CDH23: variants seen among roughly 807,000 people sequenced by gnomAD.
CDH23 encodes the protein cadherin related 23.
A neutral mutation model predicts 317.1 loss-of-function variants in CDH23; 189 were observed. The ratio of observed to expected loss-of-function variants is 0.60; its 90% CI spans 0.53 to 0.67. CDH23 has a LOEUF of 0.67. Ranked by LOEUF, CDH23 falls within the 30% of genes least tolerant of loss-of-function variation. The probability of loss-of-function intolerance (pLI) is 0.00; values close to 1 mark genes in which losing one functional copy is unlikely to be tolerated. For synonymous variants in CDH23, 1,839 were observed against 1,876.8 expected (o/e 0.98, Z 0.52); for missense variants, 4,401 against 4,592.4 (o/e 0.96, Z 1.20).
At chr10:71,565,164 T>A (rs1287112261) in intron 6 of CDH23, among the ~76,000 whole-genome samples, 1 of 151,708 alleles carries the variant, frequency 6.6e-6, no homozygotes, top group African/African-American at 2.4e-5. Context: ...GACAGAGAAC[T>A]GTGGGTTAGC....
chr10:71,455,999 C>T (rs926584196), intron 3 of CDH23, among the ~76,000 whole-genome samples: 1 of 152,110 alleles, frequency 6.6e-6, no homozygotes, highest in Non-Finnish European at 1.5e-5. Context: ...CAGGCAGTCA[C>T]TGGTGCCTCC....
chr10:71,812,642 C>G, intron 67 of CDH23, 33 bp downstream of exon 67: 1 of 1,613,674 alleles, frequency 6.2e-7, no homozygotes, highest in South Asian at 1.1e-5. Context: ...TCACAAGGGG[C>G]AGGGGTGGAG....
chr10:71,683,275 A>G (rs1864730212), intron 18 of CDH23, among the ~76,000 whole-genome samples: 1 of 152,200 alleles, frequency 6.6e-6, no homozygotes, highest in Non-Finnish European at 1.5e-5. Flanking sequence ...GGAGACAGCG[A>G]ACGCGTGTTG....
intron 24 of CDH23, among the ~76,000 whole-genome samples, 196 bp downstream of exon 24, chr10:71,702,890 G>A (rs1564743212): frequency 6.6e-6 from 1 of 152,146 alleles, no homozygotes; most frequent in Non-Finnish European, 1.5e-5. Context: ...GTAGAGAGAG[G>A]GAGAGAGGCA....
At chr10:71,516,812 C>T (rs1404734271) in intron 6 of CDH23, among the ~76,000 whole-genome samples, 1 of 152,232 alleles carries the variant, frequency 6.6e-6, no homozygotes, top group Non-Finnish European at 1.5e-5. Flanking sequence ...AGCTTCACTT[C>T]TACCTGCAAA....
chr10:71,760,100 CACAT>C (rs1371236078), intron 38 of CDH23, among the ~76,000 whole-genome samples: 1 of 127,606 alleles, frequency 7.8e-6, no homozygotes, highest in Non-Finnish European at 1.7e-5. Flanking sequence ...TATACACACA[CACAT>C]ACATACATAT....
intron 6 of CDH23, among the ~76,000 whole-genome samples, chr10:71,541,095 A>C (rs535275876): frequency 3.1e-4 from 47 of 151,948 alleles, no homozygotes; most frequent in African/African-American, 1.1e-3. Context: ...CACAATTCTC[A>C]TGCAGCTGAT....
chr10:71,759,856 C>CACACACATATATAT, intron 38 of CDH23, among the ~76,000 whole-genome samples: 1 of 111,772 alleles, frequency 8.9e-6, no homozygotes, highest in South Asian at 3.0e-4. Context: ...CATATACACA[C>CACACACATATATAT]ACACACACAT....
intron 3 of CDH23, among the ~76,000 whole-genome samples, chr10:71,481,966 A>G (rs570938519): frequency 6.6e-6 from 1 of 152,238 alleles, no homozygotes; most frequent in South Asian, 2.1e-4. Context: ...CCTGGGCTGC[A>G]AAGGGTGGGG....
At chr10:71,661,471 G>T (rs1665694) in intron 14 of CDH23, among the ~76,000 whole-genome samples, 56,874 of 152,018 alleles carry the variant, frequency 0.37, 11,317 homozygotes, top group South Asian at 0.56. Context: ...AAAATGGGGA[G>T]GATGTTACTG....
At chr10:71,631,816 C>T (rs953386989) in intron 11 of CDH23, among the ~76,000 whole-genome samples, 2 of 152,142 alleles carry the variant, frequency 1.3e-5, no homozygotes, top group Non-Finnish European at 2.9e-5. Flanking sequence ...ACAGACTGTG[C>T]TTAAATAAAT....
Position 71,807,518 on chromosome 10 carries a change from G to C in CDH23, c.8311G>C (p.Gly2771Arg), listed in dbSNP as rs201076440. Reference protein sequence around the residue: ...NAIVYYFIAAGNEEKNFHLQP... With the variant: ...NAIVYYFIAARNEEKNFHLQP... ...CTGTGCCATGATCCCACCCTCAGCC[G>C]GCAACGAAGAGAAGAACTTCCATCT... Residue 2771 changes from glycine (G) to arginine (R), a missense_variant and splice_region_variant, in exon 59 of 70, where the codon GGC becomes CGC. Around this residue, in one of 3 missense-constraint regions of CDH23, gnomAD observed 1,144 missense variants for 1,138.2 expected, o/e 1.01. Coordinates refer to ENST00000224721, the MANE Select transcript of CDH23 (RefSeq NM_022124.6). The C allele has an allele frequency of 1.2e-6, 2 of 1,613,678 alleles. No individual in the cohort carries two copies. The highest frequency in any genetic ancestry group is 1.3e-5 in the African/African-American group (1 of 75,032).
chr10:71,812,446 C>CACCA, intron 66 of CDH23, 34 bp from the exon 67 acceptor site: 1 of 1,548,604 alleles, frequency 6.5e-7, no homozygotes, highest in Non-Finnish European at 8.9e-7. Flanking sequence ...CGAGCCTTCC[C>CACCA]TCCCTCCCCA....
intron 1 of CDH23, among the ~76,000 whole-genome samples, chr10:71,425,279 A>AGAGAGAG (rs1849015908): frequency 7.5e-6 from 1 of 134,044 alleles, no homozygotes; most frequent in African/African-American, 3.0e-5. Flanking sequence ...GGAAGGAAGG[A>AGAGAGAG]AGAAAGGAAG....
intron 14 of CDH23, among the ~76,000 whole-genome samples, chr10:71,652,782 C>T (rs1863239263): frequency 6.6e-6 from 1 of 152,174 alleles, no homozygotes; most frequent in Admixed American, 6.5e-5. Flanking sequence ...GCAAGGACAC[C>T]ACCCTCAGAG....
In CDH23 at chr10:71,590,891, A is replaced by AAC. The variant is rs1328961604; in HGVS notation, c.832+12900_832+12901insCA. Among the ~76,000 whole-genome samples the AAC allele has an allele frequency of 5.2e-4, 75 of 143,334 alleles. 1 individual carries two copies. Among genetic ancestry groups the AAC allele is most frequent in the African/African-American group, 1.5e-3 (61 of 39,746 alleles). 94.0% of individuals were successfully genotyped at this position (143,334 alleles called of 152,430 possible). On this transcript the variant is annotated intron_variant, in intron 9 of 69. Coordinates refer to ENST00000224721, the MANE Select transcript of CDH23 (RefSeq NM_022124.6). ...CTGTCTCTAAAAAAAAAAAAACAAA[A>AAC]AAAAACAAAAAAAAACACCAGTCTC...
intron 6 of CDH23, among the ~76,000 whole-genome samples, chr10:71,557,576 T>G (rs1856932540): frequency 6.6e-6 from 1 of 152,216 alleles, no homozygotes; most frequent in African/African-American, 2.4e-5. Context: ...TCAGTAATTT[T>G]CAGAAAAAAG....
chr10:71,569,097 C>T (rs763550063), intron 7 of CDH23, among the ~76,000 whole-genome samples: 4 of 152,232 alleles, frequency 2.6e-5, no homozygotes, highest in Non-Finnish European at 4.4e-5. Context: ...GCTGGGAGCT[C>T]TCCCCATGGG....
chr10:71,440,267 G>T (rs1287657505), intron 2 of CDH23, among the ~76,000 whole-genome samples: 1 of 152,174 alleles, frequency 6.6e-6, no homozygotes, highest in Non-Finnish European at 1.5e-5. Context: ...TGTTTGCACT[G>T]TGTGTGACCT....
Sources: allele counts gnomAD v4.1 joint callset (sites outside exome capture counted in the v4.1 genomes callset), GRCh38; gene constraint gnomAD v4.1.1; regional missense constraint gnomAD v4.1.1; transcripts MANE v1.5; gene names NCBI Gene and HGNC (gene_info 2026-07-23, HGNC 2026-07-21).